Variants in DLG2 observed in about 807,000 individuals in gnomAD.
The protein encoded by DLG2 is discs large MAGUK scaffold protein 2.
In DLG2, 45 loss-of-function variants were observed where a neutral mutation model predicts 132.5. That is an observed-to-expected ratio of 0.34 (90% CI 0.27 to 0.44). The LOEUF (loss-of-function observed/expected upper bound fraction) is 0.44, where lower values mean the gene tolerates loss of function less well. DLG2 is among the 20% of genes least tolerant of loss of function. DLG2 has a pLI of 1.00. For missense variants in DLG2, 1,045 were observed against 1,196.9 expected (o/e 0.87, Z 1.87); for synonymous variants, 424 against 419.6 (o/e 1.01, Z -0.13).
At chr11:84,328,290 T>C (rs2098442723) in intron 7 of DLG2, among the ~76,000 whole-genome samples, 2 of 146,972 alleles carry the variant, frequency 1.4e-5, no homozygotes, top group Admixed American at 6.9e-5. Context: ...GGAAGGAAGC[T>C]AGAAGGAAGG....
In DLG2 at chr11:85,587,654, T is replaced by C. The variant is rs149352966; in HGVS notation, c.40+11003A>G. Among the ~76,000 whole-genome samples the C allele has an allele frequency of 5.0e-3, 755 of 152,296 alleles. 6 individuals carry two copies. The highest frequency in any genetic ancestry group is 0.017 in the African/African-American group (714 of 41,552). ...GGTGGATTTTTATCCATGCTGCCAT[T>C]CTGTATTTTTTAAGTGAGCATTTAG... is the stretch of plus-strand genomic sequence containing the variant. On this transcript the variant is annotated intron_variant, in intron 3 of 27. Coordinates refer to ENST00000376104, the MANE Select transcript of DLG2 (RefSeq NM_001142699.3).
intron 3 of DLG2, among the ~76,000 whole-genome samples, chr11:85,373,861 G>T (rs1235064408): frequency 6.6e-6 from 1 of 152,182 alleles, no homozygotes; most frequent in Admixed American, 6.5e-5. Context: ...GGTCAATGTA[G>T]ATCTGGCCCC....
intron 6 of DLG2, among the ~76,000 whole-genome samples, chr11:84,758,038 T>C (rs553354080): frequency 6.6e-6 from 1 of 152,378 alleles, no homozygotes; most frequent in East Asian, 1.9e-4. Context: ...GGTTGGGTCA[T>C]TGCCATAACA....
chr11:85,492,273 A>C lies in DLG2; in HGVS notation c.40+106384T>G, dbSNP rs572063568. Among the ~76,000 whole-genome samples the C allele has an allele frequency of 2.2e-3, 328 of 152,152 alleles. 1 individual carries two copies. The highest frequency in any genetic ancestry group is 2.1e-3 in the Non-Finnish European group (140 of 67,836). On this transcript the variant is annotated intron_variant, in intron 3 of 27. Coordinates refer to ENST00000376104, the MANE Select transcript of DLG2 (RefSeq NM_001142699.3). ...TGCAGCAAAATTTGCCATTAATGGC[A>C]AAAACCGCAATTACTTCTGCACCAA... is the stretch of plus-strand genomic sequence containing the variant.
chr11:84,408,842 G>A (rs2098877459), intron 7 of DLG2, among the ~76,000 whole-genome samples: 1 of 152,146 alleles, frequency 6.6e-6, no homozygotes, highest in Non-Finnish European at 1.5e-5. Flanking sequence ...CCCTTGTGCT[G>A]CTGTCTTAGT....
intron 7 of DLG2, among the ~76,000 whole-genome samples, chr11:84,462,965 T>C (rs536241495): frequency 1.0e-3 from 153 of 151,338 alleles, no homozygotes; most frequent in African/African-American, 3.7e-3. Context: ...TTCGGAAGTG[T>C]CAAGTGCATA....
intron 3 of DLG2, among the ~76,000 whole-genome samples, chr11:85,348,105 C>T (rs1482047949): frequency 2.0e-5 from 3 of 150,706 alleles, no homozygotes; most frequent in Non-Finnish European, 2.9e-5. Flanking sequence ...TCTGCCTCAG[C>T]CTCTCAAATA....
At chr11:84,055,233 C>G (rs1049212792) in intron 11 of DLG2, among the ~76,000 whole-genome samples, 1 of 151,928 alleles carries the variant, frequency 6.6e-6, no homozygotes, top group African/African-American at 2.4e-5. Flanking sequence ...TGAAACACCA[C>G]CATATATTTT....
At chr11:85,376,450 C>T (rs1218650185) in intron 3 of DLG2, among the ~76,000 whole-genome samples, 2 of 152,234 alleles carry the variant, frequency 1.3e-5, no homozygotes, top group African/African-American at 2.4e-5. Context: ...TGTCAAGAGG[C>T]CTGAACCAAG....
At chr11:83,733,873 A>C (rs1349385493) in intron 18 of DLG2, among the ~76,000 whole-genome samples, 5 of 152,194 alleles carry the variant, frequency 3.3e-5, no homozygotes, top group African/African-American at 1.2e-4. Context: ...TCACCCAAAT[A>C]GTGAATATTG....
At chr11:83,935,757 G>C (rs1037162094) in intron 14 of DLG2, among the ~76,000 whole-genome samples, 30 of 152,098 alleles carry the variant, frequency 2.0e-4, no homozygotes, top group African/African-American at 7.2e-4. Context: ...CTGTTTACCA[G>C]AAAAATTATA....
intron 9 of DLG2, among the ~76,000 whole-genome samples, chr11:84,122,824 A>AAC (rs2093991358): frequency 6.6e-6 from 1 of 152,016 alleles, no homozygotes; most frequent in South Asian, 2.1e-4. Context: ...CCAAACATAT[A>AAC]ACACACACAC....
At chr11:85,117,056 A>T (rs536360469) in intron 5 of DLG2, among the ~76,000 whole-genome samples, 14 of 152,034 alleles carry the variant, frequency 9.2e-5, no homozygotes, top group African/African-American at 3.4e-4. Context: ...ATTGGTTCTT[A>T]AGTGAGAAGT....
chr11:83,957,072 G>A (rs1027916069), intron 14 of DLG2, among the ~76,000 whole-genome samples: 9 of 152,176 alleles, frequency 5.9e-5, no homozygotes, highest in Non-Finnish European at 1.3e-4. Context: ...ACAATATTCT[G>A]CAAGCTTTTG....
intron 7 of DLG2, among the ~76,000 whole-genome samples, chr11:84,381,536 TG>T (rs1431854296): frequency 6.6e-6 from 1 of 152,198 alleles, no homozygotes; most frequent in Non-Finnish European, 1.5e-5. Context: ...GAATGTAAAC[TG>T]GGTTTAATAT....
intron 7 of DLG2, among the ~76,000 whole-genome samples, chr11:84,427,575 A>G (rs1367891298): frequency 6.6e-6 from 1 of 152,160 alleles, no homozygotes; most frequent in African/African-American, 2.4e-5. Context: ...AATATATAGG[A>G]AAGTCAGTCC....
intron 2 of DLG2, among the ~76,000 whole-genome samples, chr11:85,599,184 C>G (rs1420924111): frequency 6.6e-6 from 1 of 152,028 alleles, no homozygotes; most frequent in Non-Finnish European, 1.5e-5. Context: ...GCCTTATTTC[C>G]CACTATATAG....
At chr11:84,675,049 G>A (rs1282882266) in intron 6 of DLG2, among the ~76,000 whole-genome samples, 1 of 152,052 alleles carries the variant, frequency 6.6e-6, no homozygotes, top group African/African-American at 2.4e-5. Flanking sequence ...TACAGCATCT[G>A]CCTCTCTTTC....
chr11:84,173,247 A>G (rs562083881), intron 8 of DLG2, among the ~76,000 whole-genome samples: 22 of 152,336 alleles, frequency 1.4e-4, no homozygotes, highest in African/African-American at 4.1e-4. Flanking sequence ...AGGATGGAGA[A>G]TAACAGGTGG....
Sources: gnomAD v4.1 joint callset for allele counts (sites outside exome capture counted in the v4.1 genomes callset) on GRCh38, gnomAD v4.1.1 for gene constraint, MANE v1.5 for transcripts, NCBI Gene and HGNC (gene_info 2026-07-23, HGNC 2026-07-21) for gene names.